The following CLPTM1L variants were observed in gnomAD, a reference collection of about 807,000 sequenced individuals.
CLPTM1L encodes the protein CLPTM1 like.
CLPTM1L carries 38 observed loss-of-function variants against 70.9 expected under a neutral mutation model. The ratio of observed to expected loss-of-function variants is 0.54; its 90% CI spans 0.41 to 0.70. The LOEUF is 0.70. CLPTM1L is among the 30% of genes least tolerant of loss of function. CLPTM1L has a pLI of 0.00. For missense variants in CLPTM1L, 652 were observed against 705.9 expected, an observed-to-expected ratio of 0.92 and a Z score of 0.87; for synonymous variants, 339 against 299.9, an observed-to-expected ratio of 1.13 and a Z score of -1.35.
At chr5:1,324,924 C>A in intron 10 of CLPTM1L, 111 bp from the exon 11 acceptor site, 1 of 958,962 alleles carries the variant, frequency 1.0e-6, no homozygotes. Context: ...CCAGGCCTCA[C>A]TACAGAGGGC....
In CLPTM1L at chr5:1,344,342, C is replaced by T. The variant is rs757046530; in HGVS notation, c.263+9G>A. 3.8e-6 allele frequency: 6 copies of T among 1,584,320 alleles called. No homozygotes were observed. In the African/African-American group the frequency reaches 4.0e-5, roughly 11 times the overall value. On this transcript the variant is annotated intron_variant, in intron 2 of 16. Transcript: ENST00000320895. ...TCCCTTTCACTGGCATTTTGTCCTA[C>T]GCCCATACCTTTCAAATTTGGACTC...
intron 4 of CLPTM1L, chr5:1,338,282 C>T (rs1301807228): frequency 2.2e-6 from 1 of 461,440 alleles, no homozygotes; most frequent in Non-Finnish European, 4.0e-6. Flanking sequence ...ACCCAGGGCC[C>T]TCTGCGCACT....
chr5:1,318,188 G>A lies in CLPTM1L; in HGVS notation c.*181C>T, dbSNP rs1751940115. Reference sequence around the variant, plus strand: ...ACCAAGACAGATGTTCACACGTGGGGGCATCGTAAGCGCTACCAGCTCCAA... The same window carrying A: ...ACCAAGACAGATGTTCACACGTGGGAGCATCGTAAGCGCTACCAGCTCCAA... On this transcript the variant is annotated 3_prime_UTR_variant, in exon 17 of 17. Coordinates refer to ENST00000320895, the MANE Select transcript of CLPTM1L (RefSeq NM_030782.5). This position sits in a 1 kb window ranked among gnomAD's most constrained non-coding sequence, Gnocchi z 8.9. 1 of 603,224 alleles carries A rather than the reference G, an allele frequency of 1.7e-6. No individual in the cohort carries two copies. The highest frequency in any genetic ancestry group is 3.0e-6 in the Non-Finnish European group (1 of 337,790). 37.4% of individuals were successfully genotyped at this position (603,224 alleles called of 1,614,324 possible). A position where few individuals can be genotyped will look rare whatever the true frequency, so the allele number is the denominator to read the frequency against.
At chr5:1,341,614 A>G (rs1388448426) in intron 3 of CLPTM1L, 57 bp downstream of exon 3, 28 of 1,442,394 alleles carry the variant, frequency 1.9e-5, no homozygotes, top group Non-Finnish European at 2.5e-5. Flanking sequence ...GGAGAAAGAC[A>G]TGTCCGTTCT....
In CLPTM1L at chr5:1,342,051, C is replaced by A. The variant is rs925344628; in HGVS notation, c.264-191G>T. Among the ~76,000 whole-genome samples, 1 of 150,834 alleles carries A rather than the reference C, an allele frequency of 6.6e-6. No homozygotes were observed. Among genetic ancestry groups the A allele is most frequent in the African/African-American group, 2.5e-5 (1 of 40,618 alleles). On this transcript the variant is annotated intron_variant, in intron 2 of 16. Coordinates refer to ENST00000320895, the MANE Select transcript of CLPTM1L (RefSeq NM_030782.5). The surrounding 1 kb of genome is among the most constrained non-coding windows in gnomAD (Gnocchi z 4.3). ...GTGTGTGTGTGTGTGCACGCGCACG[C>A]GTGCGCGTCCTGAGAACTCGGCACA...
intron 9 of CLPTM1L, 49 bp downstream of exon 9, chr5:1,330,231 G>T: frequency 6.7e-7 from 1 of 1,484,478 alleles, no homozygotes; most frequent in Non-Finnish European, 9.4e-7. Context: ...TCCTGAGTGC[G>T]TGGAGGCACA....
intron 6 of CLPTM1L, 23 bp downstream of exon 6, chr5:1,335,034 C>T (rs771598444): frequency 2.1e-5 from 33 of 1,593,798 alleles, no homozygotes; most frequent in East Asian, 2.2e-5. Flanking sequence ...CTCACCCAGG[C>T]GCCGGCCGTG....
In CLPTM1L at chr5:1,318,731, G is replaced by A. The variant is rs1257947342; in HGVS notation, c.1533-278C>T. Among the ~76,000 whole-genome samples the A allele has an allele frequency of 6.6e-6, 1 of 152,162 alleles. No individual in the cohort carries two copies. The highest frequency in any genetic ancestry group is 2.4e-5 in the African/African-American group (1 of 41,442). ...CTGCACGGGCTGCCATGGCTGAAGG[G>A]GGGACCCGGAGGCTGCACGGGCTGC... On this transcript the variant is annotated intron_variant, in intron 16 of 16. Coordinates refer to ENST00000320895, the MANE Select transcript of CLPTM1L (RefSeq NM_030782.5). The surrounding 1 kb of genome is among the most constrained non-coding windows in gnomAD (Gnocchi z 8.9).
At chr5:1,323,029 G>T (rs762865312) in intron 12 of CLPTM1L, 118 bp from the exon 13 acceptor site, 2 of 975,046 alleles carry the variant, frequency 2.1e-6, no homozygotes, top group Admixed American at 3.9e-5. Context: ...TGCTCTCACG[G>T]CAGCTCGGCA....
intron 9 of CLPTM1L, 131 bp from the exon 10 acceptor site, chr5:1,325,947 C>T (rs992173391): frequency 6.9e-6 from 5 of 723,966 alleles, no homozygotes; most frequent in Admixed American, 2.4e-5. Flanking sequence ...CTTCCTGTCC[C>T]TCCCACAGCT....
chr5:1,330,833 G>A (rs1753042094), intron 8 of CLPTM1L: 1 of 160,702 alleles, frequency 6.2e-6, no homozygotes. Context: ...GGGCAAGCAG[G>A]GGAAGCAGAT....
In CLPTM1L at chr5:1,330,393, G is replaced by A; in HGVS notation, c.977-10C>T. 1 of 1,611,118 alleles carries A rather than the reference G, an allele frequency of 6.2e-7. No individual in the cohort carries two copies. Among genetic ancestry groups the A allele is most frequent in the Non-Finnish European group, 8.5e-7 (1 of 1,178,448 alleles). On this transcript the variant is annotated splice_polypyrimidine_tract_variant and intron_variant, in intron 8 of 16. Coordinates refer to ENST00000320895, the MANE Select transcript of CLPTM1L (RefSeq NM_030782.5). ...AAGCAGCGCCAGAGCACTGGGGACA[G>A]GATGGTCGGGCTGGGAGGGGGTGCA... is the stretch of plus-strand genomic sequence containing the variant.
Position 1,335,051 on chromosome 5 carries a change from A to G in CLPTM1L, c.796+6T>C. 1.2e-6 allele frequency: 2 copies of G among 1,611,314 alleles called. No individual in the cohort carries two copies. The highest frequency in any genetic ancestry group is 2.2e-5 in the South Asian group (2 of 91,040). On this transcript the variant is annotated splice_donor_region_variant and intron_variant, in intron 6 of 16. Transcript: ENST00000320895. ...CACCCAGGCGCCGGCCGTGTGCGGC[A>G]CATACCGAACTGCTGCAGGGAGTAC...
chr5:1,320,791 T>C (rs1752106678), intron 15 of CLPTM1L, 60 bp from the exon 16 acceptor site: 1 of 991,346 alleles, frequency 1.0e-6, no homozygotes, highest in South Asian at 1.6e-5. Context: ...TCCTACTGTT[T>C]TTGGTAACCT....
rs34620990 is a variant in CLPTM1L, at chr5:1,338,408, T to TG, written c.600-427dup. 287 of 256,374 alleles carry TG rather than the reference T, an allele frequency of 1.1e-3. 1 individual carries two copies. The highest frequency in any genetic ancestry group is 4.3e-3 in the South Asian group (66 of 15,482). 15.9% of individuals were successfully genotyped at this position (256,374 alleles called of 1,614,324 possible). ...GGAGGCGGAGCTGTGGCGCAGGAGT[T>TG]GGGGGGGGGATCCCCAACACATGGG... On this transcript the variant is annotated intron_variant, in intron 4 of 16. Coordinates refer to ENST00000320895, the MANE Select transcript of CLPTM1L (RefSeq NM_030782.5).
At chr5:1,337,278 T>C (rs1042888904) in intron 5 of CLPTM1L, among the ~76,000 whole-genome samples, 2 of 152,260 alleles carry the variant, frequency 1.3e-5, no homozygotes, top group South Asian at 4.1e-4. Flanking sequence ...TATTAACTGC[T>C]TCTGTGAGTC....
At chr5:1,319,795 G>A (rs890602787) in intron 16 of CLPTM1L, among the ~76,000 whole-genome samples, 32 of 152,340 alleles carry the variant, frequency 2.1e-4, no homozygotes, top group African/African-American at 7.0e-4. Flanking sequence ...CAGGTCTTGG[G>A]GGTGACACAC....
chr5:1,338,674 C>T (rs1349713547), intron 4 of CLPTM1L, among the ~76,000 whole-genome samples, 186 bp downstream of exon 4: 5 of 152,216 alleles, frequency 3.3e-5, no homozygotes. Flanking sequence ...TCCTTTCTCC[C>T]CCCTTCCAGC....
chr5:1,319,364 G>GGGC (rs1554044910), intron 16 of CLPTM1L, among the ~76,000 whole-genome samples: 7 of 136,176 alleles, frequency 5.1e-5, no homozygotes, highest in African/African-American at 1.8e-4. Context: ...AGGGTGGGGG[G>GGGC]GGGCAGCCGG....
Sources: allele counts gnomAD v4.1 joint callset (sites outside exome capture counted in the v4.1 genomes callset), GRCh38; gene constraint gnomAD v4.1.1; non-coding constraint Gnocchi (gnomAD v3.1); transcripts MANE v1.5; gene names NCBI Gene and HGNC (gene_info 2026-07-23, HGNC 2026-07-21).